PACRG: variants seen among roughly 807,000 people sequenced by gnomAD.
PACRG encodes parkin coregulated.
In PACRG, 29 loss-of-function variants were observed where a neutral mutation model predicts 29.7. The observed-to-expected ratio is 0.98, with a 90% CI of 0.73 to 1.33. The LOEUF is 1.33. Ranked by LOEUF, PACRG falls within the 40% of genes most tolerant of loss-of-function variation. The pLI is 0.00. For missense variants in PACRG, 279 were observed against 316.2 expected (o/e 0.88, Z 0.89); for synonymous variants, 116 against 118.7 (o/e 0.98, Z 0.15).
chr6:163,225,503 T>C (rs879855373), intron 4 of PACRG, among the ~76,000 whole-genome samples: 3 of 152,230 alleles, frequency 2.0e-5, no homozygotes, highest in Non-Finnish European at 4.4e-5. Flanking sequence ...GAGTACTTTA[T>C]ACATTACCCA....
At chr6:162,763,684 T>C (rs1316845743) in intron 1 of PACRG, among the ~76,000 whole-genome samples, 1 of 152,172 alleles carries the variant, frequency 6.6e-6, no homozygotes, top group Non-Finnish European at 1.5e-5. Flanking sequence ...GGCATCAGTA[T>C]TTAGATATTT....
rs9784841 is a variant in PACRG at position 162,937,703 on chromosome 6, T to C, written c.291+123422T>C. 2.2e-3 allele frequency among the ~76,000 whole-genome samples: 331 copies of C among 152,256 alleles called. 2 individuals carry two copies. Among genetic ancestry groups the C allele is most frequent in the African/African-American group, 7.5e-3 (311 of 41,546 alleles). ...GTAATGTAAGGCTTGTGGGTATATT[T>C]ACCAACCACATCTTAATCAAAATAG... On this transcript the variant is annotated intron_variant, in intron 2 of 4. Coordinates refer to ENST00000366888, the MANE Select transcript of PACRG (RefSeq NM_001080379.2).
intron 2 of PACRG, among the ~76,000 whole-genome samples, chr6:163,027,202 G>C (rs1019130937): frequency 1.3e-5 from 2 of 152,172 alleles, no homozygotes; most frequent in African/African-American, 4.8e-5. Context: ...CTGGTTGCGT[G>C]TATTTTTTCA....
intron 4 of PACRG, among the ~76,000 whole-genome samples, chr6:163,298,042 TCA>T (rs1784846966): frequency 6.6e-6 from 1 of 152,172 alleles, no homozygotes; most frequent in African/African-American, 2.4e-5. Context: ...TGACTCTTCA[TCA>T]CATCTCTCTG....
intron 4 of PACRG, among the ~76,000 whole-genome samples, chr6:163,312,142 A>G (rs1377076654): frequency 6.6e-6 from 1 of 152,184 alleles, no homozygotes; most frequent in African/African-American, 2.4e-5. Context: ...TCCTATGCAA[A>G]CAGGCCATGC....
At chr6:162,837,123 CG>C (rs1789295468) in intron 2 of PACRG, among the ~76,000 whole-genome samples, 1 of 152,078 alleles carries the variant, frequency 6.6e-6, no homozygotes, top group South Asian at 2.1e-4. Flanking sequence ...AGTGGAAAGG[CG>C]GAAGCTGGAT....
At chr6:163,160,204 G>A (rs1288253881) in intron 4 of PACRG, among the ~76,000 whole-genome samples, 2 of 152,122 alleles carry the variant, frequency 1.3e-5, no homozygotes, top group African/African-American at 2.4e-5. Context: ...AATTTTGACA[G>A]TTAATGCTTC....
chr6:163,201,263 A>G (rs1780687466), intron 4 of PACRG, among the ~76,000 whole-genome samples: 1 of 152,234 alleles, frequency 6.6e-6, no homozygotes, highest in Non-Finnish European at 1.5e-5. Context: ...TAGAGTACAT[A>G]TATTATATCA....
chr6:163,177,469 T>A (rs1054632187), intron 4 of PACRG, among the ~76,000 whole-genome samples: 1 of 151,874 alleles, frequency 6.6e-6, no homozygotes, highest in Non-Finnish European at 1.5e-5. Context: ...AGAACCAGGG[T>A]CTGAGTGACA....
intron 2 of PACRG, among the ~76,000 whole-genome samples, chr6:163,003,190 T>C (rs2128201329): frequency 6.6e-6 from 1 of 152,322 alleles, no homozygotes; most frequent in African/African-American, 2.4e-5. Context: ...GGTGAATACT[T>C]CTATGGCCCC....
intron 3 of PACRG, among the ~76,000 whole-genome samples, chr6:163,076,550 C>T (rs1812562256): frequency 6.6e-6 from 1 of 152,234 alleles, no homozygotes; most frequent in African/African-American, 2.4e-5. Context: ...AGTCGGCCTA[C>T]TTTAAATTCT....
At chr6:163,167,117 T>C (rs190150590) in intron 4 of PACRG, among the ~76,000 whole-genome samples, 1 of 152,342 alleles carries the variant, frequency 6.6e-6, no homozygotes, top group African/African-American at 2.4e-5. Flanking sequence ...CTAAAATGTC[T>C]GCACAATCAA....
intron 2 of PACRG, among the ~76,000 whole-genome samples, chr6:162,987,149 C>A (rs913343623): frequency 1.3e-5 from 2 of 152,112 alleles, no homozygotes; most frequent in African/African-American, 4.8e-5. Context: ...GGGTAGACTA[C>A]TTCAGTGGAA....
intron 4 of PACRG, among the ~76,000 whole-genome samples, chr6:163,204,216 G>A (rs1445120038): frequency 1.3e-5 from 2 of 152,286 alleles, no homozygotes; most frequent in Non-Finnish European, 2.9e-5. Flanking sequence ...GTGTGACATG[G>A]ATTGTTAACA....
At chr6:163,250,374 G>A (rs966025974) in intron 4 of PACRG, among the ~76,000 whole-genome samples, 1 of 152,260 alleles carries the variant, frequency 6.6e-6, no homozygotes, top group African/African-American at 2.4e-5. Flanking sequence ...CAGCTGAAAT[G>A]CTCGGGGGCC....
At chr6:163,104,060 T>A (rs1338368297) in intron 4 of PACRG, among the ~76,000 whole-genome samples, 1 of 152,242 alleles carries the variant, frequency 6.6e-6, no homozygotes, top group African/African-American at 2.4e-5. Context: ...AATGGAAGTT[T>A]CATTGATCCG....
At chr6:162,738,161 A>G (rs1194514501) in intron 1 of PACRG, among the ~76,000 whole-genome samples, 1 of 152,186 alleles carries the variant, frequency 6.6e-6, no homozygotes, top group Non-Finnish European at 1.5e-5. Context: ...TGAAATTTGT[A>G]TACATTATTC....
chr6:163,205,424 A>G lies in PACRG; in HGVS notation c.614-109403A>G, dbSNP rs1780864021. Among the ~76,000 whole-genome samples the G allele has an allele frequency of 2.0e-5, 3 of 152,142 alleles. No homozygotes were observed. The South Asian group carries it at 6.2e-4, about 31-fold the overall frequency. ...GAAATAAGGCTGCACACCTACAACC[A>G]TCTGATCTTTGACAAACTTGACAAA... is the stretch of plus-strand genomic sequence containing the variant. On this transcript the variant is annotated intron_variant, in intron 4 of 4. Coordinates refer to ENST00000366888, the MANE Select transcript of PACRG (RefSeq NM_001080379.2).
At chr6:163,069,785 A>G (rs1811878354) in intron 3 of PACRG, among the ~76,000 whole-genome samples, 1 of 152,140 alleles carries the variant, frequency 6.6e-6, no homozygotes, top group Non-Finnish European at 1.5e-5. Flanking sequence ...AATCTAGAGA[A>G]AAATATTAAT....
Sources: gnomAD v4.1 joint callset for allele counts (sites outside exome capture counted in the v4.1 genomes callset) on GRCh38, gnomAD v4.1.1 for gene constraint, MANE v1.5 for transcripts, NCBI Gene and HGNC (gene_info 2026-07-23, HGNC 2026-07-21) for gene names.